Variants in GMDS observed in about 807,000 individuals in gnomAD.
The protein encoded by GMDS is GDP-mannose 4,6 dehydratase.
In GMDS, 20 loss-of-function variants were observed where a neutral mutation model predicts 49.9. The ratio of observed to expected loss-of-function variants is 0.40; its 90% CI spans 0.28 to 0.58. The LOEUF is 0.58. Ranked by LOEUF, GMDS falls within the 20% of genes least tolerant of loss-of-function variation. The pLI is 0.42. For synonymous variants in GMDS, 177 were observed against 178.6 expected (o/e 0.99, Z 0.07); for missense variants, 362 against 481.4 (o/e 0.75, Z 2.32).
chr6:1,746,015 A>T (rs1011937976), intron 7 of GMDS, among the ~76,000 whole-genome samples: 1 of 152,204 alleles, frequency 6.6e-6, no homozygotes, highest in South Asian at 2.1e-4. Flanking sequence ...GCCTCCTTAT[A>T]CAGCTGCACA....
At chr6:1,754,545 C>T (rs1767866513) in intron 7 of GMDS, among the ~76,000 whole-genome samples, 1 of 152,280 alleles carries the variant, frequency 6.6e-6, no homozygotes, top group South Asian at 2.1e-4. Flanking sequence ...CAGCATCATC[C>T]TGATACCAAA....
intron 7 of GMDS, among the ~76,000 whole-genome samples, chr6:1,892,897 C>G (rs530731788): frequency 2.0e-5 from 3 of 152,172 alleles, no homozygotes; most frequent in Admixed American, 1.3e-4. Flanking sequence ...CAGATAAGAC[C>G]GCTGCACAGA....
chr6:1,676,381 C>T lies in GMDS; in HGVS notation c.987+50035G>A, dbSNP rs568561241. ...CCCAAGGTAATTTATAGATTCAATG[C>T]CATCCCCATCAAGCTACCAATGACT... On this transcript the variant is annotated intron_variant, in intron 9 of 10. Transcript: ENST00000380815. Among the ~76,000 whole-genome samples the T allele has an allele frequency of 3.3e-5, 5 of 152,254 alleles. No homozygotes were observed. The East Asian group carries it at 5.8e-4, about 18-fold the overall frequency.
chr6:1,759,354 G>T (rs910039461), intron 7 of GMDS, among the ~76,000 whole-genome samples: 1 of 152,196 alleles, frequency 6.6e-6, no homozygotes, highest in South Asian at 2.1e-4. Flanking sequence ...GAGATTAAAT[G>T]GTTCACCTGA....
At chr6:1,676,533 T>C (rs952322631) in intron 9 of GMDS, among the ~76,000 whole-genome samples, 2 of 152,160 alleles carry the variant, frequency 1.3e-5, no homozygotes, top group African/African-American at 2.4e-5. Flanking sequence ...CTTCAAACTA[T>C]ACTGCAAGGC....
chr6:1,860,601 C>T (rs1458531262), intron 7 of GMDS, among the ~76,000 whole-genome samples: 1 of 152,100 alleles, frequency 6.6e-6, no homozygotes, highest in East Asian at 1.9e-4. Context: ...AATAACAGTA[C>T]ATTTAACTGT....
chr6:2,038,539 T>C (rs1242626478), intron 4 of GMDS, among the ~76,000 whole-genome samples: 2 of 152,040 alleles, frequency 1.3e-5, no homozygotes, highest in South Asian at 2.1e-4. Context: ...GTCAAATCAA[T>C]ATCCTGCTCA....
chr6:2,177,945 C>T (rs534766890), intron 1 of GMDS, among the ~76,000 whole-genome samples: 1 of 152,294 alleles, frequency 6.6e-6, no homozygotes, highest in Admixed American at 6.5e-5. Flanking sequence ...CCATGGAATA[C>T]TATTCAGCCA....
intron 7 of GMDS, among the ~76,000 whole-genome samples, chr6:1,908,956 C>T (rs1283160865): frequency 6.6e-6 from 1 of 152,154 alleles, no homozygotes; most frequent in Admixed American, 6.5e-5. Flanking sequence ...ATTAGCATGC[C>T]TATAACCAAC....
intron 7 of GMDS, among the ~76,000 whole-genome samples, chr6:1,752,482 A>G (rs975672843): frequency 6.6e-6 from 1 of 152,188 alleles, no homozygotes; most frequent in Non-Finnish European, 1.5e-5. Context: ...ACCCAGGAGA[A>G]CTTCCCCAAT....
Position 1,624,328 on chromosome 6 carries a change from C to T in GMDS, c.1057-97G>A. On this transcript the variant is annotated intron_variant, in intron 10 of 10. Transcript: ENST00000380815. ...CGGCCCCAGAGAGGCCTCCGCGTCC[C>T]TCGTTCCAGCTCCCCTCACTTCTCC... The T allele has an allele frequency of 4.6e-6, 6 of 1,306,510 alleles. No homozygotes were observed. In the South Asian group the frequency reaches 7.3e-5, roughly 16 times the overall value. 80.9% of individuals were successfully genotyped at this position (1,306,510 alleles called of 1,614,324 possible).
chr6:1,859,728 T>C (rs759854916), intron 7 of GMDS, among the ~76,000 whole-genome samples: 7 of 151,988 alleles, frequency 4.6e-5, no homozygotes, highest in African/African-American at 7.3e-5. Context: ...GACTGAGGGG[T>C]CCCTGCATCT....
intron 9 of GMDS, among the ~76,000 whole-genome samples, chr6:1,722,190 C>T (rs1766408089): frequency 6.7e-6 from 1 of 149,982 alleles, no homozygotes; most frequent in Admixed American, 6.7e-5. Context: ...CCTCAGCCTC[C>T]CCAGTAGCTG....
At chr6:2,163,746 G>A (rs1777525804) in intron 1 of GMDS, among the ~76,000 whole-genome samples, 1 of 152,178 alleles carries the variant, frequency 6.6e-6, no homozygotes, top group Non-Finnish European at 1.5e-5. Context: ...CACACAGGAT[G>A]AACTAGCCAA....
chr6:1,978,720 C>G (rs567355227), intron 4 of GMDS, among the ~76,000 whole-genome samples: 1 of 152,318 alleles, frequency 6.6e-6, no homozygotes, highest in East Asian at 1.9e-4. Flanking sequence ...AAGGGATCCC[C>G]AACACAGCAT....
chr6:1,681,799 G>A (rs2113309068), intron 9 of GMDS, among the ~76,000 whole-genome samples: 1 of 152,328 alleles, frequency 6.6e-6, no homozygotes, highest in East Asian at 1.9e-4. Flanking sequence ...GCACGCTGGT[G>A]ATCCTCCCAT....
chr6:1,655,352 T>G (rs750214608), intron 9 of GMDS, among the ~76,000 whole-genome samples: 6 of 152,190 alleles, frequency 3.9e-5, no homozygotes, highest in African/African-American at 2.4e-5. Context: ...TTCTTAAATT[T>G]CTAAGGCTAC....
Position 2,065,222 on chromosome 6 carries a change from A to G in GMDS, c.345+50549T>C, listed in dbSNP as rs542625379. Among the ~76,000 whole-genome samples, 3 of 151,914 alleles carry G rather than the reference A, an allele frequency of 2.0e-5. No individual in the cohort carries two copies. In the East Asian group the frequency reaches 5.8e-4, roughly 30 times the overall value. On this transcript the variant is annotated intron_variant, in intron 4 of 10. Transcript: ENST00000380815. ...CCTGCAGCTGAGGGTCCTGTCTGTT[A>G]GAGGGAAAACTAACAAACTGAAAGG...
At chr6:2,212,639 T>C (rs961710726) in intron 1 of GMDS, among the ~76,000 whole-genome samples, 23 of 151,786 alleles carry the variant, frequency 1.5e-4, no homozygotes, top group Admixed American at 1.5e-3. Flanking sequence ...TAGTGGTCTT[T>C]GTGTTAGAAA....
Sources: gnomAD v4.1 joint callset for allele counts (sites outside exome capture counted in the v4.1 genomes callset) on GRCh38, gnomAD v4.1.1 for gene constraint, MANE v1.5 for transcripts, NCBI Gene and HGNC (gene_info 2026-07-23, HGNC 2026-07-21) for gene names.